Variants in MARCHF3 observed in about 807,000 individuals in gnomAD.
The protein encoded by MARCHF3 is E3 ubiquitin-protein ligase MARCHF3.
A neutral mutation model predicts 24.2 loss-of-function variants in MARCHF3; 13 were observed. That is an observed-to-expected ratio of 0.54 (90% CI 0.35 to 0.85). The LOEUF (loss-of-function observed/expected upper bound fraction) is 0.85, where lower values mean the gene tolerates loss of function less well. Ranked by LOEUF, MARCHF3 falls within the 40% of genes least tolerant of loss-of-function variation. The probability of loss-of-function intolerance (pLI) is 0.01; values close to 1 mark genes in which losing one functional copy is unlikely to be tolerated. For missense variants in MARCHF3, 276 were observed against 325.0 expected (o/e 0.85, Z 1.16); for synonymous variants, 144 against 137.3 (o/e 1.05, Z -0.34).
Position 126,878,311 on chromosome 5 carries a change from G to A in MARCHF3, c.477C>T (p.Ala159=), listed in dbSNP as rs1580592169. ...MVCFLFITPL[A]TISGWLCLRG... Reference sequence around the variant, plus strand: ...GCAGGCACAGCCAGCCCGAGATGGTGGCCAGGGGAGTTATAAACAAGAAGC... The same window carrying A: ...GCAGGCACAGCCAGCCCGAGATGGTAGCCAGGGGAGTTATAAACAAGAAGC... The change falls in exon 4 of 5, where the codon GCC becomes GCT. Residue 159 remains alanine, a synonymous_variant. Coordinates refer to ENST00000308660, the MANE Select transcript of MARCHF3 (RefSeq NM_178450.5). 4.3e-6 allele frequency: 7 copies of A among 1,614,124 alleles called. No individual in the cohort carries two copies. Among genetic ancestry groups the A allele is most frequent in the South Asian group, 1.1e-5 (1 of 91,080 alleles).
chr5:126,914,196 G>A (rs187885811), intron 3 of MARCHF3, among the ~76,000 whole-genome samples: 81 of 151,844 alleles, frequency 5.3e-4, no homozygotes, highest in Admixed American at 8.5e-4. Flanking sequence ...TGTTAGCCAG[G>A]ATGGTCTTGA....
chr5:126,951,013 C>T (rs1008705903), intron 1 of MARCHF3, among the ~76,000 whole-genome samples: 2 of 152,126 alleles, frequency 1.3e-5, no homozygotes, highest in Non-Finnish European at 2.9e-5. Context: ...ATACCTTTCC[C>T]TTCTTTCTTA....
intron 1 of MARCHF3, among the ~76,000 whole-genome samples, chr5:126,942,365 T>C (rs1457499308): frequency 6.6e-6 from 1 of 152,146 alleles, no homozygotes; most frequent in Non-Finnish European, 1.5e-5. Context: ...ATTAAACAAG[T>C]ATGGCTATAT....
chr5:127,007,993 GTCC>G (rs1752360606), intron 1 of MARCHF3, among the ~76,000 whole-genome samples: 1 of 152,096 alleles, frequency 6.6e-6, no homozygotes, highest in Non-Finnish European at 1.5e-5. Context: ...GGAAAACCTA[GTCC>G]TCCTTCAGAA....
At chr5:126,920,020 T>A (rs1263467215) in intron 1 of MARCHF3, among the ~76,000 whole-genome samples, 1 of 152,228 alleles carries the variant, frequency 6.6e-6, no homozygotes, top group Admixed American at 6.5e-5. Flanking sequence ...ACTGACTAGG[T>A]TAAATAGGAT....
At chr5:126,879,120 C>T (rs1213149264) in intron 3 of MARCHF3, among the ~76,000 whole-genome samples, 2 of 152,202 alleles carry the variant, frequency 1.3e-5, no homozygotes, top group Non-Finnish European at 2.9e-5. Context: ...TTGGCAAATA[C>T]TTCGCCCATG....
intron 3 of MARCHF3, among the ~76,000 whole-genome samples, chr5:126,906,086 G>T (rs1754282781): frequency 6.7e-6 from 1 of 148,988 alleles, no homozygotes; most frequent in Admixed American, 6.8e-5. Flanking sequence ...TGTGGTTTTT[G>T]TCTTTGGTTC....
intron 1 of MARCHF3, among the ~76,000 whole-genome samples, chr5:126,980,091 G>A (rs2126835374): frequency 6.6e-6 from 1 of 151,900 alleles, no homozygotes; most frequent in East Asian, 1.9e-4. Flanking sequence ...ACACAGAGAT[G>A]TCACCACGAA....
intron 4 of MARCHF3, among the ~76,000 whole-genome samples, 163 bp downstream of exon 4, chr5:126,878,022 A>G (rs1753221729): frequency 6.6e-6 from 1 of 152,294 alleles, no homozygotes; most frequent in South Asian, 2.1e-4. Context: ...AAACACACAC[A>G]CACACACATA....
chr5:126,929,284 G>T (rs1561432969), intron 1 of MARCHF3, among the ~76,000 whole-genome samples: 1 of 152,002 alleles, frequency 6.6e-6, no homozygotes, highest in Non-Finnish European at 1.5e-5. Context: ...TTCATTTCAG[G>T]TTCAACTCTC....
intron 1 of MARCHF3, among the ~76,000 whole-genome samples, chr5:127,023,359 G>T (rs897448607): frequency 1.3e-5 from 2 of 152,048 alleles, no homozygotes; most frequent in African/African-American, 2.4e-5. Context: ...GTTCAAACCT[G>T]TACAGTTGTT....
At chr5:126,911,109 C>T (rs1229517966) in intron 3 of MARCHF3, among the ~76,000 whole-genome samples, 1 of 152,182 alleles carries the variant, frequency 6.6e-6, no homozygotes, top group Non-Finnish European at 1.5e-5. Flanking sequence ...ATCTCAAACC[C>T]TGTCTCCTGA....
At chr5:126,893,547 A>G (rs940879193) in intron 3 of MARCHF3, among the ~76,000 whole-genome samples, 2 of 151,884 alleles carry the variant, frequency 1.3e-5, no homozygotes, top group African/African-American at 4.8e-5. Context: ...TTCGTTATGT[A>G]TCCAGTAGTC....
chr5:126,899,233 G>C, intron 3 of MARCHF3: 6 of 985,190 alleles, frequency 6.1e-6, no homozygotes, highest in Non-Finnish European at 7.2e-6. Flanking sequence ...ACCTGACAGG[G>C]GTGTTTTCTT....
At chr5:126,909,933 T>C (rs1754458654) in intron 3 of MARCHF3, among the ~76,000 whole-genome samples, 1 of 152,234 alleles carries the variant, frequency 6.6e-6, no homozygotes, top group African/African-American at 2.4e-5. Flanking sequence ...TATCCTATTA[T>C]TCTGGGTAAG....
At chr5:126,881,837 T>A (rs1753352423) in intron 3 of MARCHF3, among the ~76,000 whole-genome samples, 1 of 152,082 alleles carries the variant, frequency 6.6e-6, no homozygotes, top group Admixed American at 6.5e-5. Flanking sequence ...ATCACTTGTG[T>A]ACAAAACAGA....
chr5:126,945,951 G>A (rs1301509078), intron 1 of MARCHF3, among the ~76,000 whole-genome samples: 1 of 152,204 alleles, frequency 6.6e-6, no homozygotes, highest in Non-Finnish European at 1.5e-5. Flanking sequence ...TTCTGTAGTG[G>A]AGGGGTGGTG....
At chr5:127,020,713 T>C (rs1362545222) in intron 1 of MARCHF3, among the ~76,000 whole-genome samples, 1 of 152,036 alleles carries the variant, frequency 6.6e-6, no homozygotes, top group African/African-American at 2.4e-5. Context: ...TAGCTGGGCA[T>C]GGTAGCGCGC....
At chr5:126,888,318 C>CA (rs1176024335) in intron 3 of MARCHF3, among the ~76,000 whole-genome samples, 1 of 152,142 alleles carries the variant, frequency 6.6e-6, no homozygotes, top group Non-Finnish European at 1.5e-5. Flanking sequence ...GCCAATAAGC[C>CA]AATTAACGGG....
Sources: gnomAD v4.1 joint callset for allele counts (sites outside exome capture counted in the v4.1 genomes callset) on GRCh38, gnomAD v4.1.1 for gene constraint, MANE v1.5 for transcripts, NCBI Gene and HGNC (gene_info 2026-07-23, HGNC 2026-07-21) for gene names.